DPYD: variants seen among roughly 807,000 people sequenced by gnomAD.
The protein encoded by DPYD is dihydropyrimidine dehydrogenase, also known as dihydropyrimidine dehydrogenase [NADP(+)].
In DPYD, 109 loss-of-function variants were observed where a neutral mutation model predicts 116.2. The ratio of observed to expected loss-of-function variants is 0.94; its 90% CI spans 0.80 to 1.10. DPYD has a LOEUF of 1.10. Ranked by LOEUF, DPYD falls within the 50% of genes least tolerant of loss-of-function variation. The pLI, the probability that DPYD is intolerant of heterozygous loss-of-function variation, is 0.00. For missense variants in DPYD, 1,302 were observed against 1,254.5 expected (o/e 1.04, Z -0.57); for synonymous variants, 440 against 432.0 (o/e 1.02, Z -0.23).
intron 5 of DPYD, among the ~76,000 whole-genome samples, chr1:97,704,169 A>T (rs1661766282): frequency 6.6e-6 from 1 of 152,096 alleles, no homozygotes; most frequent in South Asian, 2.1e-4. Flanking sequence ...ATTATTTCAT[A>T]TATACACAAT....
intron 16 of DPYD, among the ~76,000 whole-genome samples, chr1:97,369,742 G>A (rs1324048849): frequency 6.6e-6 from 1 of 152,122 alleles, no homozygotes; most frequent in Non-Finnish European, 1.5e-5. Context: ...TATTGACACC[G>A]TTAACTAAAA....
chr1:97,407,495 G>A (rs954017423), intron 14 of DPYD, among the ~76,000 whole-genome samples: 1 of 152,120 alleles, frequency 6.6e-6, no homozygotes, highest in African/African-American at 2.4e-5. Context: ...GAGGACATGG[G>A]CTATGTCTTC....
rs142221528 is a variant in DPYD, at chr1:97,232,941, T to A, written c.2442+1911A>T. On this transcript the variant is annotated intron_variant, in intron 19 of 22. Coordinates refer to ENST00000370192, the MANE Select transcript of DPYD (RefSeq NM_000110.4). ...TTTATGATCCAGCCTGAGGTTTTCC[T>A]GGGTCTTGGTATCATGAGTAATTTT... Among the ~76,000 whole-genome samples, 8 of 152,306 alleles carry A rather than the reference T, an allele frequency of 5.3e-5. No homozygotes were observed. In the East Asian group the frequency reaches 1.4e-3, roughly 26 times the overall value.
At chr1:97,780,016 T>C (rs1045684052) in intron 3 of DPYD, among the ~76,000 whole-genome samples, 2 of 152,202 alleles carry the variant, frequency 1.3e-5, no homozygotes, top group African/African-American at 2.4e-5. Context: ...AATTTCTACA[T>C]TGTTTGATTT....
At chr1:97,761,010 T>C (rs889618090) in intron 3 of DPYD, among the ~76,000 whole-genome samples, 3 of 152,074 alleles carry the variant, frequency 2.0e-5, no homozygotes, top group Non-Finnish European at 2.9e-5. Flanking sequence ...CAGATGTAGC[T>C]TGAATCTAAG....
At chr1:97,678,092 G>A (rs547268745) in intron 8 of DPYD, among the ~76,000 whole-genome samples, 7 of 152,262 alleles carry the variant, frequency 4.6e-5, no homozygotes, top group East Asian at 1.9e-4. Context: ...TCCATGGACC[G>A]GGTTGGAGAA....
intron 8 of DPYD, among the ~76,000 whole-genome samples, chr1:97,628,128 G>C (rs1298644758): frequency 6.6e-6 from 1 of 151,956 alleles, no homozygotes; most frequent in African/African-American, 2.4e-5. Context: ...TCCAAATCTT[G>C]ACCACTTTCA....
intron 12 of DPYD, among the ~76,000 whole-genome samples, chr1:97,540,337 G>T: frequency 7.5e-6 from 1 of 132,808 alleles, no homozygotes; most frequent in Non-Finnish European, 1.6e-5. Flanking sequence ...GGGGTGGGGG[G>T]TGGGGGTGGC....
At chr1:97,849,098 C>G (rs984612192) in intron 2 of DPYD, among the ~76,000 whole-genome samples, 3 of 152,012 alleles carry the variant, frequency 2.0e-5, no homozygotes. Context: ...ATTAGATAAC[C>G]AAATTACCAT....
At chr1:97,913,021 T>A (rs1674037471) in intron 1 of DPYD, among the ~76,000 whole-genome samples, 1 of 152,124 alleles carries the variant, frequency 6.6e-6, no homozygotes, top group Admixed American at 6.6e-5. Context: ...AAGAGTCCCA[T>A]CTCCTTTTTC....
At chr1:97,722,410 T>C (rs1464435865) in intron 4 of DPYD, among the ~76,000 whole-genome samples, 1 of 151,484 alleles carries the variant, frequency 6.6e-6, no homozygotes, top group East Asian at 1.9e-4. Context: ...TAGCTAATAA[T>C]CATATATCAA....
intron 12 of DPYD, among the ~76,000 whole-genome samples, chr1:97,544,269 G>C (rs1468752041): frequency 2.0e-5 from 3 of 152,142 alleles, no homozygotes; most frequent in Admixed American, 2.0e-4. Flanking sequence ...TACCTTGTTA[G>C]CCTTATCGCT....
intron 2 of DPYD, among the ~76,000 whole-genome samples, chr1:97,854,288 G>A (rs1387744633): frequency 6.6e-6 from 1 of 152,176 alleles, no homozygotes; most frequent in Non-Finnish European, 1.5e-5. Flanking sequence ...TTTTTTTACA[G>A]ATGTTGAGAC....
At chr1:97,611,633 A>G (rs996703777) in intron 8 of DPYD, among the ~76,000 whole-genome samples, 1 of 152,012 alleles carries the variant, frequency 6.6e-6, no homozygotes, top group South Asian at 2.1e-4. Flanking sequence ...CAGTTTTCAA[A>G]CATTCACAAT....
chr1:97,711,162 C>T (rs1662263958), intron 5 of DPYD, among the ~76,000 whole-genome samples: 1 of 151,714 alleles, frequency 6.6e-6, no homozygotes, highest in South Asian at 2.1e-4. Flanking sequence ...AAGGAACTGA[C>T]TCATAAGATT....
At chr1:97,653,400 G>A (rs2100847419) in intron 8 of DPYD, among the ~76,000 whole-genome samples, 1 of 151,674 alleles carries the variant, frequency 6.6e-6, no homozygotes, top group Middle Eastern at 3.4e-3. Context: ...CGACTCCCGG[G>A]TTCAAGCGAT....
chr1:97,201,221 T>A (rs1659177986), intron 19 of DPYD, among the ~76,000 whole-genome samples: 2 of 152,274 alleles, frequency 1.3e-5, no homozygotes, highest in South Asian at 2.1e-4. Flanking sequence ...TTTAAGGTTT[T>A]AATATTTGGA....
chr1:97,489,029 G>A (rs759677280), intron 13 of DPYD, among the ~76,000 whole-genome samples: 30 of 152,188 alleles, frequency 2.0e-4, no homozygotes, highest in Non-Finnish European at 2.6e-4. Flanking sequence ...CCTAGGCAAA[G>A]CCAAGAACCC....
intron 3 of DPYD, among the ~76,000 whole-genome samples, chr1:97,813,753 C>A (rs1668438674): frequency 6.6e-6 from 1 of 152,018 alleles, no homozygotes; most frequent in Non-Finnish European, 1.5e-5. Flanking sequence ...TTTCCTAGAC[C>A]CCTTGGGAAA....
Sources: gnomAD v4.1 joint callset for allele counts (sites outside exome capture counted in the v4.1 genomes callset) on GRCh38, gnomAD v4.1.1 for gene constraint, MANE v1.5 for transcripts, NCBI Gene and HGNC (gene_info 2026-07-23, HGNC 2026-07-21) for gene names.